MGME1: variants seen among roughly 807,000 people sequenced by gnomAD.
The protein encoded by MGME1 is chromosome 20 open reading frame 72.
Under a neutral mutation model 33.0 loss-of-function variants are expected in MGME1, and 22 were observed. That is an observed-to-expected ratio of 0.67 (90% CI 0.48 to 0.95). MGME1 has a LOEUF of 0.95. MGME1 is among the 40% of genes least tolerant of loss of function. The pLI is 0.00. For missense variants in MGME1, 383 were observed against 397.8 expected (o/e 0.96, Z 0.32); for synonymous variants, 133 against 144.0 (o/e 0.92, Z 0.55).
chr20:17,979,799 G>C (rs1399123511), intron 3 of MGME1, among the ~76,000 whole-genome samples: 3 of 151,956 alleles, frequency 2.0e-5, no homozygotes, highest in African/African-American at 7.3e-5. Flanking sequence ...GATGCATTCA[G>C]GGCTCACTGC....
chr20:17,984,961 C>T (rs527650004), intron 3 of MGME1, among the ~76,000 whole-genome samples: 7 of 149,030 alleles, frequency 4.7e-5, no homozygotes, highest in East Asian at 4.0e-4. Context: ...TGCTTGAACC[C>T]GGGAGGTGGG....
At chr20:17,969,734 C>A in intron 1 of MGME1, 67 bp from the exon 2 acceptor site, 1 of 1,018,584 alleles carries the variant, frequency 9.8e-7, no homozygotes, top group Non-Finnish European at 1.4e-6. Context: ...CGAAAAAGTT[C>A]ACAATTTTGA....
rs1600384947 is a variant in MGME1 at position 17,975,674 on chromosome 20, T to C, written c.512-10T>C. 2.5e-6 allele frequency: 4 copies of C among 1,607,126 alleles called. No homozygotes were observed. The highest frequency in any genetic ancestry group is 3.4e-6 in the Non-Finnish European group (4 of 1,174,318). The stretch of plus-strand genomic sequence containing the variant: ...TTCCCCCCTCCCCTTTTCCCTGATT[T>C]TCTTTTCAGACGTCTTTTTACAAGG... On this transcript the variant is annotated splice_polypyrimidine_tract_variant and intron_variant, in intron 2 of 4. Transcript: ENST00000377710.
intron 4 of MGME1, 76 bp from the exon 5 acceptor site, chr20:17,989,863 C>G: frequency 7.2e-7 from 1 of 1,390,892 alleles, no homozygotes; most frequent in Non-Finnish European, 9.9e-7. Context: ...TGAGTTTGCC[C>G]TGGAGTAAGA....
intron 3 of MGME1, among the ~76,000 whole-genome samples, chr20:17,984,054 A>G (rs536419534): frequency 6.6e-4 from 100 of 152,140 alleles, no homozygotes; most frequent in Non-Finnish European, 1.2e-3. Context: ...GTAGTTTTAC[A>G]GTTTCAGGTC....
At position 17,975,712 on chromosome 20, in the gene MGME1, CGAAGCCTTG is replaced by C; in HGVS notation, c.544_552del (p.Ala182_Glu184del). The C allele has an allele frequency of 6.2e-7, 1 of 1,613,794 alleles. No individual in the cohort carries two copies. The highest frequency in any genetic ancestry group is 8.5e-7 in the Non-Finnish European group (1 of 1,179,826). On this transcript the variant is annotated inframe_deletion, in exon 3 of 5. Coordinates refer to ENST00000377710, the MANE Select transcript of MGME1 (RefSeq NM_052865.4). ...TCTTTTTACAAGGGAAACGGTTCCA[CGAAGCCTTG>C]GAAAGCATACTTTCACCCCAGGAAA...
At chr20:17,973,352 A>T (rs946999242) in intron 2 of MGME1, among the ~76,000 whole-genome samples, 29 of 151,722 alleles carry the variant, frequency 1.9e-4, no homozygotes, top group African/African-American at 7.0e-4. Context: ...CCATCTTTGT[A>T]AAAAATAGTT....
intron 3 of MGME1, among the ~76,000 whole-genome samples, chr20:17,977,134 G>A (rs1246552446): frequency 1.3e-5 from 2 of 152,044 alleles, no homozygotes; most frequent in Non-Finnish European, 2.9e-5. Context: ...CCAGCACTTT[G>A]GGAGGCCGAG....
Position 17,990,196 on chromosome 20 carries a change from G to T in MGME1, c.*87G>T. 8.7e-7 allele frequency: 1 copy of T among 1,151,556 alleles called. No individual in the cohort carries two copies. The highest frequency in any genetic ancestry group is 1.3e-6 in the Non-Finnish European group (1 of 768,060). The allele number at this position is 1,151,556 out of a possible 1,614,324, so 71.3% of individuals were successfully genotyped here. ...GTTTACTCCAGTGTAAAAATGAGGTGCCACTGGATCTGAGTGCTACACGAA... is the reference window on the plus strand; with the variant it reads ...GTTTACTCCAGTGTAAAAATGAGGTTCCACTGGATCTGAGTGCTACACGAA... On this transcript the variant is annotated 3_prime_UTR_variant, in exon 5 of 5. Transcript: ENST00000377710.
rs1475570774 is a variant in MGME1 at position 17,969,856 on chromosome 20, C to T, written c.-4C>T. On this transcript the variant is annotated 5_prime_UTR_variant, in exon 2 of 5. Coordinates refer to ENST00000377710, the MANE Select transcript of MGME1 (RefSeq NM_052865.4). The stretch of plus-strand genomic sequence containing the variant: ...CAAATAGACTAAAGTGAAAACAAAT[C>T]TGAATGAAGATGAAGTTATTTCAGA... 1 of 1,598,550 alleles carries T rather than the reference C, an allele frequency of 6.3e-7. No individual in the cohort carries two copies. Among genetic ancestry groups the T allele is most frequent in the Non-Finnish European group, 8.5e-7 (1 of 1,174,272 alleles).
Position 17,970,156 on chromosome 20 carries a change from C to G in MGME1, c.297C>G (p.Asn99Lys). The G allele has an allele frequency of 6.2e-7, 1 of 1,614,238 alleles. No individual in the cohort carries two copies. Among genetic ancestry groups the G allele is most frequent in the Non-Finnish European group, 8.5e-7 (1 of 1,180,044 alleles). The change falls in exon 2 of 5, where the codon AAC becomes AAG. Residue 99 changes from asparagine to lysine, a missense_variant. Coordinates refer to ENST00000377710, the MANE Select transcript of MGME1 (RefSeq NM_052865.4). ...GTGAGGACAGACGAGTGCCACAAAACTGGTTTCCTATCTTCAATCCAGAGA... is the reference window on the plus strand; with the variant it reads ...GTGAGGACAGACGAGTGCCACAAAAGTGGTTTCCTATCTTCAATCCAGAGA... ...NQGEDRRVPQ[N>K]WFPIFNPERS...
chr20:17,986,424 G>A (rs2036156653), intron 3 of MGME1, among the ~76,000 whole-genome samples: 1 of 150,094 alleles, frequency 6.7e-6, no homozygotes, highest in Non-Finnish European at 1.5e-5. Context: ...TACCCACGCT[G>A]TTGTGCAGTG....
At chr20:17,979,082 AT>A (rs909914628) in intron 3 of MGME1, among the ~76,000 whole-genome samples, 31 of 145,080 alleles carry the variant, frequency 2.1e-4, no homozygotes, top group South Asian at 4.4e-4. Context: ...CCAGCCTAGA[AT>A]TTTTTTTTTT....
At position 17,988,228 on chromosome 20, in the gene MGME1, C is replaced by T. The variant is rs76599088; in HGVS notation, c.794C>T (p.Thr265Ile). 0.012 allele frequency: 19,799 copies of T among 1,613,998 alleles called. 164 individuals are homozygous for T. The highest frequency in any genetic ancestry group is 0.016 in the Non-Finnish European group (18,318 of 1,179,890). ...AAACCAAAGCCTTTTATTCAAAGTA[C>T]ATTTGACAACCCACTGCAAGTTGTG... ...SEKPKPFIQS[T>I]FDNPLQVVAY... is the part of the protein sequence containing the mutation. Residue 265 changes from threonine (T) to isoleucine (I), a missense_variant, in exon 4 of 5, where the codon ACA (threonine) becomes ATA (isoleucine). Coordinates refer to ENST00000377710, the MANE Select transcript of MGME1 (RefSeq NM_052865.4).
chr20:17,978,436 C>T (rs1240362560), intron 3 of MGME1, among the ~76,000 whole-genome samples: 1 of 152,102 alleles, frequency 6.6e-6, no homozygotes, highest in Non-Finnish European at 1.5e-5. Flanking sequence ...AACTCCTGAC[C>T]TCAGGTGATC....
At chr20:17,974,061 G>GTGTTTTTTTTTT (rs760926414) in intron 2 of MGME1, among the ~76,000 whole-genome samples, 1 of 85,494 alleles carries the variant, frequency 1.2e-5, no homozygotes, top group Admixed American at 1.4e-4. Flanking sequence ...CTCTTTGTGT[G>GTGTTTTTTTTTT]TTTTTTTTTT....
intron 3 of MGME1, among the ~76,000 whole-genome samples, chr20:17,985,790 G>A (rs1343632990): frequency 6.6e-6 from 1 of 152,212 alleles, no homozygotes; most frequent in African/African-American, 2.4e-5. Context: ...GTACAGGTTT[G>A]TAGCCTAGGA....
At chr20:17,978,494 C>G (rs1157965067) in intron 3 of MGME1, among the ~76,000 whole-genome samples, 2 of 151,980 alleles carry the variant, frequency 1.3e-5, no homozygotes, top group African/African-American at 4.8e-5. Flanking sequence ...CGTGAGCCAC[C>G]GCGCCTGGCC....
At chr20:17,984,177 G>A (rs1216721770) in intron 3 of MGME1, among the ~76,000 whole-genome samples, 4 of 152,058 alleles carry the variant, frequency 2.6e-5, no homozygotes, top group Admixed American at 1.3e-4. Context: ...CCCATTGTTC[G>A]TTCTTGGTAC....
Sources: allele counts gnomAD v4.1 joint callset (sites outside exome capture counted in the v4.1 genomes callset), GRCh38; gene constraint gnomAD v4.1.1; transcripts MANE v1.5; gene names NCBI Gene and HGNC (gene_info 2026-07-23, HGNC 2026-07-21).